Variants in SPIDR observed in about 807,000 individuals in gnomAD.
SPIDR encodes scaffold protein involved in DNA repair.
Under a neutral mutation model 104.6 loss-of-function variants are expected in SPIDR, and 93 were observed. That is an observed-to-expected ratio of 0.89 (90% confidence interval 0.75 to 1.06). The LOEUF is 1.06. Ranked by LOEUF, SPIDR falls within the 50% of genes least tolerant of loss-of-function variation. SPIDR has a pLI of 0.00. For missense variants in SPIDR, 1,154 were observed against 1,111.2 expected, an observed-to-expected ratio of 1.04 and a Z score of -0.55; for synonymous variants, 431 against 416.9, an observed-to-expected ratio of 1.03 and a Z score of -0.41.
chr8:47,689,317 G>C (rs937879639), intron 11 of SPIDR, among the ~76,000 whole-genome samples: 1 of 152,196 alleles, frequency 6.6e-6, no homozygotes, highest in Non-Finnish European at 1.5e-5. Flanking sequence ...TCCCAGCAGA[G>C]GCTATGGGTC....
At chr8:47,660,726 G>A (rs1390092041) in intron 10 of SPIDR, among the ~76,000 whole-genome samples, 4 of 152,128 alleles carry the variant, frequency 2.6e-5, no homozygotes, top group South Asian at 2.1e-4. Context: ...TCATAAGGCC[G>A]CATCTATGTG....
chr8:47,641,130 A>G (rs2068900196), intron 10 of SPIDR, among the ~76,000 whole-genome samples: 1 of 151,964 alleles, frequency 6.6e-6, no homozygotes, highest in Non-Finnish European at 1.5e-5. Flanking sequence ...GATATTGCAA[A>G]CACTAAGAAA....
intron 1 of SPIDR, among the ~76,000 whole-genome samples, chr8:47,265,241 G>T (rs1053035201): frequency 2.2e-4 from 33 of 149,542 alleles, no homozygotes; most frequent in Middle Eastern, 3.5e-3. Flanking sequence ...CCAGGCTGGG[G>T]TGCAGGGGTG....
At chr8:47,483,176 T>C (rs1333987089) in intron 8 of SPIDR, among the ~76,000 whole-genome samples, 1 of 152,078 alleles carries the variant, frequency 6.6e-6, no homozygotes, top group African/African-American at 2.4e-5. Context: ...TGTTTGTGTG[T>C]GTGTCTTTTA....
chr8:47,572,790 GA>G (rs1164455228), intron 8 of SPIDR, among the ~76,000 whole-genome samples: 1 of 152,110 alleles, frequency 6.6e-6, no homozygotes, highest in Non-Finnish European at 1.5e-5. Flanking sequence ...AATAAAAGAT[GA>G]AAAAGGCTTC....
At chr8:47,323,661 C>T (rs1554598323) in intron 5 of SPIDR, among the ~76,000 whole-genome samples, 4 of 152,066 alleles carry the variant, frequency 2.6e-5, no homozygotes, top group African/African-American at 9.7e-5. Context: ...CACATAGTTG[C>T]TTTGAAGATT....
At chr8:47,623,100 G>A (rs1021168421) in intron 10 of SPIDR, among the ~76,000 whole-genome samples, 6 of 152,182 alleles carry the variant, frequency 3.9e-5, no homozygotes, top group African/African-American at 1.4e-4. Context: ...GAATTAAAAT[G>A]AGGATCATCT....
intron 10 of SPIDR, among the ~76,000 whole-genome samples, chr8:47,607,090 A>G (rs1457553617): frequency 6.6e-6 from 1 of 152,220 alleles, no homozygotes; most frequent in East Asian, 1.9e-4. Flanking sequence ...GTTGTCACTC[A>G]TACTTTCTTT....
intron 8 of SPIDR, among the ~76,000 whole-genome samples, chr8:47,485,425 G>A (rs552489114): frequency 3.1e-4 from 47 of 152,310 alleles, no homozygotes; most frequent in African/African-American, 8.9e-4. Flanking sequence ...CCACCTCTGC[G>A]GGCAGGGCAT....
chr8:47,541,407 G>A (rs2088107443), intron 8 of SPIDR, among the ~76,000 whole-genome samples: 1 of 152,034 alleles, frequency 6.6e-6, no homozygotes, highest in Non-Finnish European at 1.5e-5. Flanking sequence ...CCATGGGAAG[G>A]GAAATACTTT....
intron 14 of SPIDR, among the ~76,000 whole-genome samples, chr8:47,707,810 A>C (rs1285963304): frequency 6.6e-6 from 1 of 152,040 alleles, no homozygotes; most frequent in Non-Finnish European, 1.5e-5. Context: ...TAATTTTTTC[A>C]CCTTTGGATA....
chr8:47,430,976 T>G (rs937845378), intron 7 of SPIDR, among the ~76,000 whole-genome samples: 20 of 152,232 alleles, frequency 1.3e-4, no homozygotes, highest in Non-Finnish European at 2.5e-4. Context: ...TCAGTGTGTG[T>G]GTTGGGCGGT....
chr8:47,399,975 G>A (rs992554627), intron 6 of SPIDR, among the ~76,000 whole-genome samples: 3 of 152,178 alleles, frequency 2.0e-5, no homozygotes, highest in Admixed American at 6.5e-5. Flanking sequence ...TGGCTGAGGC[G>A]AGTGGAGGAC....
intron 8 of SPIDR, among the ~76,000 whole-genome samples, chr8:47,465,733 C>A (rs532021167): frequency 1.1e-4 from 17 of 151,516 alleles, no homozygotes; most frequent in Middle Eastern, 3.4e-3. Flanking sequence ...AAGACTCCAT[C>A]AAAAAAAATA....
chr8:47,459,468 G>T (rs980685047), intron 8 of SPIDR, among the ~76,000 whole-genome samples: 23 of 152,042 alleles, frequency 1.5e-4, no homozygotes, highest in African/African-American at 5.6e-4. Flanking sequence ...TTTCTGTGGT[G>T]TCAGTCTTGA....
At chr8:47,474,449 T>C (rs559580145) in intron 8 of SPIDR, among the ~76,000 whole-genome samples, 2 of 152,324 alleles carry the variant, frequency 1.3e-5, no homozygotes, top group South Asian at 4.1e-4. Context: ...CCAGTGCCTA[T>C]TATTCTAGCC....
intron 8 of SPIDR, among the ~76,000 whole-genome samples, chr8:47,472,433 T>C (rs1348668377): frequency 6.6e-6 from 1 of 151,918 alleles, no homozygotes; most frequent in Non-Finnish European, 1.5e-5. Flanking sequence ...TCCAGGAGAG[T>C]GTTCTGGGTT....
intron 14 of SPIDR, among the ~76,000 whole-genome samples, 177 bp from the exon 15 acceptor site, chr8:47,712,485 C>T (rs188553710): frequency 1.1e-4 from 16 of 152,226 alleles, no homozygotes; most frequent in Admixed American, 5.2e-4. Context: ...GGTGCAAAGT[C>T]GAGGCACCCA....
chr8:47,682,583 C>G lies in SPIDR; in HGVS notation c.1685+8642C>G, dbSNP rs926260612. On this transcript the variant is annotated intron_variant, in intron 11 of 19. Coordinates refer to ENST00000297423, the MANE Select transcript of SPIDR (RefSeq NM_001080394.4). ...TAATTTTATGTTATATTAATTTTAC[C>G]TCAAGTTTAAAAAAGAAAACTGAAT... Among the ~76,000 whole-genome samples, 3 of 151,738 alleles carry G rather than the reference C, an allele frequency of 2.0e-5. No homozygotes were observed. The East Asian group carries it at 5.8e-4, about 29-fold the overall frequency.
Sources: gnomAD v4.1 joint callset for allele counts (sites outside exome capture counted in the v4.1 genomes callset) on GRCh38, gnomAD v4.1.1 for gene constraint, MANE v1.5 for transcripts, NCBI Gene and HGNC (gene_info 2026-07-23, HGNC 2026-07-21) for gene names.